Variants in UBAP2L observed in about 807,000 individuals in gnomAD.
The protein encoded by UBAP2L is ubiquitin-associated protein 2-like.
Under a neutral mutation model 130.6 loss-of-function variants are expected in UBAP2L, and 12 were observed. The ratio of observed to expected loss-of-function variants is 0.09; its 90% CI spans 0.06 to 0.15. UBAP2L has a LOEUF of 0.15. Among genes scored for constraint, UBAP2L ranks in the 10% least tolerant of loss-of-function variants. The pLI is 1.00. For synonymous variants in UBAP2L, 503 were observed against 524.7 expected, an observed-to-expected ratio of 0.96 and a Z score of 0.57; for missense variants, 965 against 1,332.5, an observed-to-expected ratio of 0.72 and a Z score of 4.29.
chr1:154,221,014 G>T, intron 1 of UBAP2L, 39 bp downstream of exon 1: 1 of 201,840 alleles, frequency 5.0e-6, no homozygotes. Flanking sequence ...GGCGGCGGCG[G>T]CGGCAGCGGC....
chr1:154,252,272 G>C (rs1475091664), intron 14 of UBAP2L, among the ~76,000 whole-genome samples: 2 of 142,218 alleles, frequency 1.4e-5, no homozygotes. Flanking sequence ...ACCGTGCCCA[G>C]CCCAGATTTT....
At chr1:154,221,156 C>T (rs1665831697) in intron 1 of UBAP2L, 181 bp downstream of exon 1, 1 of 151,434 alleles carries the variant, frequency 6.6e-6, no homozygotes, top group Admixed American at 6.7e-5. Context: ...TGTTCCCCCA[C>T]TGTACACCCC....
rs1668780270 is a variant in UBAP2L at position 154,228,619 on chromosome 1, T to C, written c.173T>C (p.Ile58Thr). Reference protein sequence around the residue: ...ADFEEKVKQLIDITGKNQDEC... With the variant: ...ADFEEKVKQLTDITGKNQDEC... ...TTGCTGTTTTTTCTCTTTCAGTTGATTGATATTACAGGCAAGAACCAGGAT... is the reference window on the plus strand; with the variant it reads ...TTGCTGTTTTTTCTCTTTCAGTTGACTGATATTACAGGCAAGAACCAGGAT... The change falls in exon 4 of 27, where the codon ATT (isoleucine) becomes ACT (threonine). Residue 58 changes from isoleucine to threonine, a missense_variant. This residue lies in a region of UBAP2L where 34 missense variants were observed against 101.4 expected (regional missense o/e 0.34). Transcript: ENST00000428931. 6.2e-7 allele frequency: 1 copy of C among 1,612,748 alleles called. No individual in the cohort carries two copies. Among genetic ancestry groups the C allele is most frequent in the Non-Finnish European group, 8.5e-7 (1 of 1,179,048 alleles).
intron 4 of UBAP2L, among the ~76,000 whole-genome samples, chr1:154,232,259 G>C (rs1365743877): frequency 1.3e-5 from 2 of 151,782 alleles, no homozygotes; most frequent in Admixed American, 1.3e-4. Context: ...GGGAGGCGGA[G>C]GTTGCAGTGA....
intron 8 of UBAP2L, among the ~76,000 whole-genome samples, chr1:154,241,076 T>G (rs888039585): frequency 2.0e-5 from 3 of 151,958 alleles, no homozygotes; most frequent in Non-Finnish European, 4.4e-5. Flanking sequence ...AATTTCTTTT[T>G]TTTTGTTTTG....
chr1:154,234,016 G>C (rs140192787), intron 4 of UBAP2L, among the ~76,000 whole-genome samples: 5 of 151,892 alleles, frequency 3.3e-5, no homozygotes, highest in Non-Finnish European at 7.4e-5. Context: ...TTTCCTATAA[G>C]TACCTTCCCT....
chr1:154,234,541 C>G (rs1185919980), intron 4 of UBAP2L, 50 bp from the exon 5 acceptor site: 1 of 1,597,750 alleles, frequency 6.3e-7, no homozygotes, highest in African/African-American at 1.3e-5. Context: ...TCTCTAGTGT[C>G]CTGATAGCAC....
At chr1:154,228,846 G>A in intron 4 of UBAP2L, 121 bp downstream of exon 4, 1 of 631,598 alleles carries the variant, frequency 1.6e-6, no homozygotes, top group Non-Finnish European at 2.6e-6. Flanking sequence ...AGTAAAGTTG[G>A]GAACTTTCTT....
chr1:154,245,717 C>T (rs922930714), intron 10 of UBAP2L, among the ~76,000 whole-genome samples: 10 of 151,774 alleles, frequency 6.6e-5, no homozygotes, highest in Non-Finnish European at 1.3e-4. Flanking sequence ...AGATTGAGAC[C>T]ATCCTGGCTA....
chr1:154,257,104 C>T lies in UBAP2L; in HGVS notation c.2199C>T (p.Ser733=), dbSNP rs779294429. 3 of 1,614,094 alleles carry T rather than the reference C, an allele frequency of 1.9e-6. No individual in the cohort carries two copies. The highest frequency in any genetic ancestry group is 1.1e-5 in the South Asian group (1 of 91,070). ...VESEANLHSS[S]STFSTTSSTV... is the part of the protein sequence containing the mutation. ...GTGAGGCGAATCTCCATTCTTCCTC[C>T]AGCACTTTTTCCACCACATCCAGCA... is the stretch of plus-strand genomic sequence containing the variant. Residue 733 remains serine, a synonymous_variant, in exon 19 of 27, where the codon TCC becomes TCT. Coordinates refer to ENST00000428931, the MANE Select transcript of UBAP2L (RefSeq NM_014847.4).
intron 20 of UBAP2L, chr1:154,257,657 G>A (rs1680079522): frequency 3.6e-6 from 2 of 562,412 alleles, no homozygotes; most frequent in Non-Finnish European, 6.3e-6. Flanking sequence ...TAAACAGCGT[G>A]CAGTTCAAAC....
rs1675470849 is a variant in UBAP2L, at chr1:154,246,368, A to G, written c.1007A>G (p.His336Arg). The stretch of plus-strand genomic sequence containing the variant: ...GCTTCAGGGAACACATTTTCTCATC[A>G]CAGTATGGTGAGTAGGAAACGTGGT... Reference protein sequence around the residue: ...QPASGNTFSHHSMVSMLGKGF... With the variant: ...QPASGNTFSHRSMVSMLGKGF... The change falls in exon 11 of 27, where the codon CAC (histidine) becomes CGC (arginine). Residue 336 changes from histidine (H) to arginine (R), a missense_variant. His to Arg is a conservative substitution (Grantham distance 29, BLOSUM62 0). Around this residue, in one of 9 missense-constraint regions of UBAP2L, gnomAD observed 99 missense variants for 106.4 expected, o/e 0.93. Coordinates refer to ENST00000428931, the MANE Select transcript of UBAP2L (RefSeq NM_014847.4). 1.2e-6 allele frequency: 2 copies of G among 1,612,212 alleles called. No individual in the cohort carries two copies. The highest frequency in any genetic ancestry group is 1.7e-6 in the Non-Finnish European group (2 of 1,178,988).
At chr1:154,260,830 A>T (rs1681329426) in intron 22 of UBAP2L, 62 bp from the exon 23 acceptor site, 3 of 1,481,314 alleles carry the variant, frequency 2.0e-6, no homozygotes, top group Non-Finnish European at 2.8e-6. Flanking sequence ...AAATCAGAAG[A>T]GGTAATTCTG....
intron 25 of UBAP2L, among the ~76,000 whole-genome samples, chr1:154,267,072 G>A (rs777955288): frequency 1.3e-5 from 2 of 151,794 alleles, no homozygotes; most frequent in African/African-American, 4.8e-5. Flanking sequence ...CTGGGGGTCT[G>A]GGGGGGCACT....
At chr1:154,233,657 G>GTA (rs1670663203) in intron 4 of UBAP2L, among the ~76,000 whole-genome samples, 1 of 150,180 alleles carries the variant, frequency 6.7e-6, no homozygotes, top group Non-Finnish European at 1.5e-5. Flanking sequence ...ATTGCTGTGT[G>GTA]TGTGTGTGTG....
intron 6 of UBAP2L, among the ~76,000 whole-genome samples, chr1:154,236,208 T>G (rs1478478526): frequency 6.6e-6 from 1 of 152,044 alleles, no homozygotes; most frequent in African/African-American, 2.4e-5. Context: ...AGGGTAGTTT[T>G]TTGTATTTTT....
chr1:154,239,718 G>T (rs1672868117), intron 8 of UBAP2L, among the ~76,000 whole-genome samples: 1 of 152,204 alleles, frequency 6.6e-6, no homozygotes, highest in Non-Finnish European at 1.5e-5. Flanking sequence ...CAAGAGCCTA[G>T]ATTAAATAAC....
intron 1 of UBAP2L, among the ~76,000 whole-genome samples, chr1:154,224,234 GA>G (rs1382802751): frequency 6.6e-6 from 1 of 152,186 alleles, no homozygotes; most frequent in Admixed American, 6.5e-5. Flanking sequence ...TGATTTCTTA[GA>G]AGCACTTTCT....
In UBAP2L at chr1:154,251,337, A is replaced by G. The variant is rs1677528749; in HGVS notation, c.1491+19A>G. The G allele has an allele frequency of 3.8e-6, 6 of 1,599,782 alleles. No individual in the cohort carries two copies. Among genetic ancestry groups the G allele is most frequent in the Non-Finnish European group, 5.1e-6 (6 of 1,173,778 alleles). On this transcript the variant is annotated intron_variant, in intron 13 of 26. Coordinates refer to ENST00000428931, the MANE Select transcript of UBAP2L (RefSeq NM_014847.4). ...TTCTAAGGTACTTAAACTTTTAGGT[A>G]GATACCATTTTATGGCAAGGGGTGT...
Sources: allele counts gnomAD v4.1 joint callset (sites outside exome capture counted in the v4.1 genomes callset), GRCh38; gene constraint gnomAD v4.1.1; regional missense constraint gnomAD v4.1.1; transcripts MANE v1.5; gene names NCBI Gene and HGNC (gene_info 2026-07-23, HGNC 2026-07-21).